Variants in AKR1C4 observed in about 807,000 individuals in gnomAD.
AKR1C4 encodes the protein aldo-keto reductase family 1 member C4.
AKR1C4 carries 44 observed loss-of-function variants against 41.0 expected under a neutral mutation model. That is an observed-to-expected ratio of 1.07 (90% CI 0.84 to 1.38). AKR1C4 has a LOEUF of 1.38. Among genes scored for constraint, AKR1C4 ranks in the 40% most tolerant of loss-of-function variants. The probability of loss-of-function intolerance (pLI) is 0.00; values close to 1 mark genes in which losing one functional copy is unlikely to be tolerated. For missense variants in AKR1C4, 438 were observed against 387.9 expected (o/e 1.13, Z -1.09); for synonymous variants, 165 against 137.7 (o/e 1.20, Z -1.39).
chr10:5,210,411 A>T (rs1419920447), intron 5 of AKR1C4, among the ~76,000 whole-genome samples: 1 of 152,124 alleles, frequency 6.6e-6, no homozygotes, highest in African/African-American at 2.4e-5. Context: ...GGTCTGGAGG[A>T]TGGTGGCCCT....
intron 5 of AKR1C4, among the ~76,000 whole-genome samples, chr10:5,209,324 G>A (rs1487292023): frequency 2.0e-5 from 3 of 151,922 alleles, no homozygotes; most frequent in Non-Finnish European, 4.4e-5. Flanking sequence ...TTGTATTATT[G>A]TATTTGTTCT....
At chr10:5,202,967 G>T (rs1404707223) in intron 2 of AKR1C4, among the ~76,000 whole-genome samples, 8 of 140,670 alleles carry the variant, frequency 5.7e-5, no homozygotes, top group African/African-American at 2.2e-4. Flanking sequence ...GTGTGTGTGT[G>T]TGTGTGTGTG....
chr10:5,199,034 T>C (rs1461370637), intron 1 of AKR1C4, among the ~76,000 whole-genome samples: 1 of 152,032 alleles, frequency 6.6e-6, no homozygotes, highest in Non-Finnish European at 1.5e-5. Context: ...TAATAATAAC[T>C]ATTTATAAGT....
At chr10:5,198,226 G>C (rs1388068868) in intron 1 of AKR1C4, among the ~76,000 whole-genome samples, 1 of 152,148 alleles carries the variant, frequency 6.6e-6, no homozygotes, top group Non-Finnish European at 1.5e-5. Context: ...TCCTTGGAAT[G>C]TATGTCTTTA....
intron 1 of AKR1C4, among the ~76,000 whole-genome samples, chr10:5,198,490 C>A (rs1588334545): frequency 6.6e-6 from 1 of 152,262 alleles, no homozygotes; most frequent in East Asian, 1.9e-4. Flanking sequence ...GCTATACAGA[C>A]TGGGTCAATT....
Position 5,213,771 on chromosome 10 carries a change from G to A in AKR1C4, c.846+612G>A, listed in dbSNP as rs76305373. ...CCTGTTTCTGGCTGGGCTTTCTCAC[G>A]TGTGTGCAGGGCAATGAGGCAGCTC... On this transcript the variant is annotated intron_variant, in intron 7 of 8. Transcript: ENST00000263126. Among the ~76,000 whole-genome samples the A allele has an allele frequency of 3.8e-3, 574 of 152,246 alleles. 7 individuals are homozygous for A. Among genetic ancestry groups the A allele is most frequent in the African/African-American group, 0.013 (523 of 41,550 alleles).
chr10:5,210,016 C>A (rs140875137), intron 5 of AKR1C4, among the ~76,000 whole-genome samples: 1 of 152,186 alleles, frequency 6.6e-6, no homozygotes, highest in African/African-American at 2.4e-5. Flanking sequence ...TCCCTTCCAC[C>A]TATAAGCCTG....
At position 5,213,136 on chromosome 10, in the gene AKR1C4, C is replaced by T. The variant is rs782634582; in HGVS notation, c.823C>T (p.Gln275Ter). ...GGTCCTGGCCAAGAGCTACAATGAGCAGCGGATCAGAGAGAACATCCAGGT... is the reference window on the plus strand; with the variant it reads ...GGTCCTGGCCAAGAGCTACAATGAGTAGCGGATCAGAGAGAACATCCAGGT... Reference protein sequence around the residue: ...VVVLAKSYNEQRIRENIQVFE... With the variant: ...VVVLAKSYNE Residue 275 changes from glutamine to a stop codon, truncating the protein, a stop_gained, in exon 7 of 9, where the codon CAG (glutamine) becomes TAG (stop). Coordinates refer to ENST00000263126, the MANE Select transcript of AKR1C4 (RefSeq NM_001818.5). LOFTEE classifies it high-confidence loss of function. 1 of 1,613,894 alleles carries T rather than the reference C, an allele frequency of 6.2e-7. No individual in the cohort carries two copies. Among genetic ancestry groups the T allele is most frequent in the Non-Finnish European group, 8.5e-7 (1 of 1,180,030 alleles).
chr10:5,199,608 G>C (rs1832365284), intron 1 of AKR1C4, among the ~76,000 whole-genome samples: 1 of 152,184 alleles, frequency 6.6e-6, no homozygotes, highest in Admixed American at 6.5e-5. Flanking sequence ...AAAGGCACCA[G>C]TACGCCAGCG....
Position 5,216,710 on chromosome 10 carries a change from G to A in AKR1C4, c.847-1G>A. ...ATAAACATTTTCTACTTCTTTGGTAGGTTTTTGAATTCCAGTTGACATCAG... is the reference window on the plus strand; with the variant it reads ...ATAAACATTTTCTACTTCTTTGGTAAGTTTTTGAATTCCAGTTGACATCAG... On this transcript the variant is annotated splice_acceptor_variant, in intron 7 of 8. Coordinates refer to ENST00000263126, the MANE Select transcript of AKR1C4 (RefSeq NM_001818.5). LOFTEE classifies it high-confidence loss of function. The A allele has an allele frequency of 6.2e-7, 1 of 1,606,512 alleles. No homozygotes were observed. The highest frequency in any genetic ancestry group is 1.7e-5 in the Admixed American group (1 of 59,550).
In AKR1C4 at chr10:5,218,898, GAT is replaced by G; in HGVS notation, c.*143_*144del. ...CCTGCTTGGCAACTTCAGCTAGCTA[GAT>G]ATATCCATGGTCCAGAAAGCAAACA... On this transcript the variant is annotated 3_prime_UTR_variant, in exon 9 of 9. Coordinates refer to ENST00000263126, the MANE Select transcript of AKR1C4 (RefSeq NM_001818.5). 1 of 641,016 alleles carries G rather than the reference GAT, an allele frequency of 1.6e-6. No individual in the cohort carries two copies. Among genetic ancestry groups the G allele is most frequent in the South Asian group, 2.4e-5 (1 of 41,128 alleles). 39.7% of individuals were successfully genotyped at this position (641,016 alleles called of 1,614,324 possible). A position where few individuals can be genotyped will look rare whatever the true frequency, so the allele number is the denominator to read the frequency against.
intron 5 of AKR1C4, chr10:5,207,534 T>G (rs546436340): frequency 1.9e-6 from 1 of 534,588 alleles, no homozygotes; most frequent in African/African-American, 2.0e-5. Context: ...AAAATAAAGA[T>G]GTCCCTGTAC....
intron 8 of AKR1C4, among the ~76,000 whole-genome samples, chr10:5,218,099 A>G (rs1832680295): frequency 6.6e-6 from 1 of 152,174 alleles, no homozygotes; most frequent in Non-Finnish European, 1.5e-5. Context: ...TCACCAATCA[A>G]TTATTCAATA....
At chr10:5,208,684 C>A (rs1832525443) in intron 5 of AKR1C4, among the ~76,000 whole-genome samples, 1 of 151,268 alleles carries the variant, frequency 6.6e-6, no homozygotes, top group Admixed American at 6.6e-5. Context: ...AACAATAATG[C>A]CCTCATATCA....
intron 5 of AKR1C4, among the ~76,000 whole-genome samples, chr10:5,206,941 T>G (rs1027603527): frequency 8.5e-5 from 13 of 152,110 alleles, no homozygotes; most frequent in Non-Finnish European, 1.9e-4. Flanking sequence ...TCATCCAGGT[T>G]AGGGAGAGGA....
At chr10:5,217,253 A>G (rs1292291034) in intron 8 of AKR1C4, among the ~76,000 whole-genome samples, 14 of 152,224 alleles carry the variant, frequency 9.2e-5, no homozygotes, top group Admixed American at 3.9e-4. Flanking sequence ...TCTCTTCCAT[A>G]TGGAATTGCT....
chr10:5,210,693 C>A (rs553223807), intron 5 of AKR1C4, among the ~76,000 whole-genome samples: 14 of 152,062 alleles, frequency 9.2e-5, no homozygotes, highest in Admixed American at 8.5e-4. Context: ...CTCACTGCAA[C>A]CTCCGCCTCC....
At position 5,202,651 on chromosome 10, in the gene AKR1C4, T is replaced by C. The variant is rs140381245; in HGVS notation, c.253-1726T>C. Among the ~76,000 whole-genome samples the C allele has an allele frequency of 4.0e-3, 605 of 152,302 alleles. 5 individuals carry two copies. The highest frequency in any genetic ancestry group is 0.013 in the African/African-American group (534 of 41,572). On this transcript the variant is annotated intron_variant, in intron 2 of 8. Coordinates refer to ENST00000263126, the MANE Select transcript of AKR1C4 (RefSeq NM_001818.5). ...ATGTTGGCTATGGATTTGTTATATATGCATTTTATGCCTAGTTTGTTGAGG... is the reference window on the plus strand; with the variant it reads ...ATGTTGGCTATGGATTTGTTATATACGCATTTTATGCCTAGTTTGTTGAGG...
At chr10:5,209,708 A>G (rs1832540976) in intron 5 of AKR1C4, among the ~76,000 whole-genome samples, 1 of 152,210 alleles carries the variant, frequency 6.6e-6, no homozygotes, top group Non-Finnish European at 1.5e-5. Flanking sequence ...TAAAACCATC[A>G]GATCTCATGA....
Sources: gnomAD v4.1 joint callset for allele counts (sites outside exome capture counted in the v4.1 genomes callset) on GRCh38, gnomAD v4.1.1 for gene constraint, MANE v1.5 for transcripts, NCBI Gene and HGNC (gene_info 2026-07-23, HGNC 2026-07-21) for gene names.